DOCK11: variants seen among roughly 807,000 people sequenced by gnomAD.
The protein encoded by DOCK11 is dedicator of cytokinesis 11.
A neutral mutation model predicts 169.1 loss-of-function variants in DOCK11; 70 were observed. The ratio of observed to expected loss-of-function variants is 0.41; its 90% CI spans 0.34 to 0.51. DOCK11 has a LOEUF of 0.51. Among genes scored for constraint, DOCK11 ranks in the 20% least tolerant of loss-of-function variants. DOCK11 has a pLI of 0.10. For synonymous variants in DOCK11, 529 were observed against 541.3 expected, an observed-to-expected ratio of 0.98 and a Z score of 0.32; for missense variants, 1,166 against 1,538.8, an observed-to-expected ratio of 0.76 and a Z score of 4.05.
chrX:118,573,954 AG>A lies in DOCK11; in HGVS notation c.1328del (p.Gly443AlafsTer26), dbSNP rs754622090. The A allele has an allele frequency of 1.7e-6, 2 of 1,211,989 alleles. No homozygotes were observed. The highest frequency in any genetic ancestry group is 2.2e-6 in the Non-Finnish European group (2 of 895,552). On this transcript the variant is annotated frameshift_variant, in exon 12 of 53. Transcript: ENST00000276202. LOFTEE classifies it high-confidence loss of function. ...STQLASDGSP[K>X]GSSPESYIHG... ...CAACTGGCCAGTGACGGTAGCCCAA[AG>A]GGCTCTTCACCCGAATCTTACATTC... is the stretch of plus-strand genomic sequence containing the variant.
intron 10 of DOCK11, among the ~76,000 whole-genome samples, chrX:118,569,002 A>G (rs2013177235): frequency 9.2e-6 from 1 of 108,850 alleles, no homozygotes; most frequent in African/African-American, 3.3e-5. Context: ...CCACGAAAAT[A>G]TGAAATAATT....
intron 23 of DOCK11, among the ~76,000 whole-genome samples, chrX:118,599,575 A>G (rs760181101): frequency 8.9e-6 from 1 of 112,226 alleles, no homozygotes; most frequent in African/African-American, 3.2e-5. Context: ...GGCCAGGAGG[A>G]ATGGAATCAC....
intron 23 of DOCK11, among the ~76,000 whole-genome samples, chrX:118,601,336 A>G (rs369029807): frequency 9.3e-6 from 1 of 107,649 alleles, no homozygotes; most frequent in Non-Finnish European, 1.9e-5. Flanking sequence ...AGGTGGGAGG[A>G]TCGTTTGAGC....
chrX:118,684,259 TC>T lies in DOCK11; in HGVS notation c.6102+1043del, dbSNP rs1450139817. On this transcript the variant is annotated intron_variant, in intron 52 of 52. Transcript: ENST00000276202. ...TCAAAAACTTCTTCAAGCTTTTTTT[TC>T]TTTTTTTTTTCTTTTTTTTTTTTTT... is the stretch of plus-strand genomic sequence containing the variant. Among the ~76,000 whole-genome samples the T allele has an allele frequency of 6.6e-3, 710 of 107,979 alleles. 6 individuals are homozygous for T. Among genetic ancestry groups the T allele is most frequent in the African/African-American group, 0.023 (682 of 29,352 alleles). 93.8% of individuals were successfully genotyped at this position (107,979 alleles called of 115,157 possible).
At chrX:118,496,893 G>A (rs2057542287) in intron 1 of DOCK11, among the ~76,000 whole-genome samples, 1 of 111,236 alleles carries the variant, frequency 9.0e-6, no homozygotes, top group Non-Finnish European at 1.9e-5. Context: ...CAGGACTGGG[G>A]GATGGGGATT....
chrX:118,681,784 G>A lies in DOCK11; in HGVS notation c.5953G>A (p.Asp1985Asn). 1 of 1,195,504 alleles carries A rather than the reference G, an allele frequency of 8.4e-7. No homozygotes were observed. The highest frequency in any genetic ancestry group is 1.1e-6 in the Non-Finnish European group (1 of 886,505). Residue 1985 changes from aspartate (D) to asparagine (N), a missense_variant, in exon 51 of 53, where the codon GAC (aspartate) becomes AAC (asparagine). Asp to Asn is a conservative substitution (Grantham distance 23, BLOSUM62 1). Coordinates refer to ENST00000276202, the MANE Select transcript of DOCK11 (RefSeq NM_144658.4). ...ACCTAAGAAAGTGAGTGAGTTGAAA[G>A]ACATGTTTAGGTAAGTGTTTTATAG... ...YPPKKVSELKDMFRKFIQACS... is the reference protein window; with the variant it reads ...YPPKKVSELKNMFRKFIQACS...
chrX:118,506,122 G>T (rs181831969), intron 1 of DOCK11, among the ~76,000 whole-genome samples: 1 of 110,872 alleles, frequency 9.0e-6, no homozygotes, highest in African/African-American at 3.3e-5. Flanking sequence ...CAGGCGTGGT[G>T]GCACATGCGT....
chrX:118,611,644 A>G (rs2014684305), intron 28 of DOCK11, among the ~76,000 whole-genome samples: 1 of 112,733 alleles, frequency 8.9e-6, no homozygotes, highest in African/African-American at 3.2e-5. Context: ...ACCAGAAGAA[A>G]ACTATATTTA....
In DOCK11 at chrX:118,630,496, T is replaced by C; in HGVS notation, c.3886+6T>C. 8.9e-7 allele frequency: 1 copy of C among 1,124,217 alleles called. No homozygotes were observed. The highest frequency in any genetic ancestry group is 1.2e-6 in the Non-Finnish European group (1 of 817,308). The allele number at this position is 1,124,217 out of a possible 1,213,427, so 92.6% of individuals were successfully genotyped here. A position where few individuals can be genotyped will look rare whatever the true frequency, so the allele number is the denominator to read the frequency against. ...AGTAAAAATGATTTCAGAAGGTGAG[T>C]TACCATCATATTAAGCATGGACTGT... On this transcript the variant is annotated splice_donor_region_variant and intron_variant, in intron 35 of 52. Coordinates refer to ENST00000276202, the MANE Select transcript of DOCK11 (RefSeq NM_144658.4).
At chrX:118,575,067 AT>A (rs2013402989) in intron 12 of DOCK11, among the ~76,000 whole-genome samples, 1 of 112,069 alleles carries the variant, frequency 8.9e-6, no homozygotes, top group Admixed American at 9.5e-5. Context: ...TAAAAATACT[AT>A]TCTTTTTTTC....
chrX:118,664,801 A>G (rs1278518411), intron 45 of DOCK11, among the ~76,000 whole-genome samples: 5 of 111,619 alleles, frequency 4.5e-5, no homozygotes, highest in Non-Finnish European at 5.6e-5. Context: ...GGACTGAACC[A>G]TGGGGGAAAA....
chrX:118,561,279 AG>A, intron 6 of DOCK11, 103 bp from the exon 7 acceptor site: 1 of 780,197 alleles, frequency 1.3e-6, no homozygotes, highest in Non-Finnish European at 1.8e-6. Flanking sequence ...AAGATTGTCC[AG>A]GCACAATTGC....
At chrX:118,684,271 CTTTTTTT>C (rs1197326228) in intron 52 of DOCK11, among the ~76,000 whole-genome samples, 3 of 78,631 alleles carry the variant, frequency 3.8e-5, no homozygotes, top group Non-Finnish European at 7.5e-5. Context: ...TTTTTTTTTT[CTTTTTTT>C]TTTTTTTTTT....
intron 46 of DOCK11, among the ~76,000 whole-genome samples, chrX:118,672,598 A>C (rs771452797): frequency 4.2e-4 from 47 of 111,690 alleles, no homozygotes; most frequent in Middle Eastern, 9.5e-3. Context: ...GCGCCCGACT[A>C]ATATTTTTTT....
intron 1 of DOCK11, among the ~76,000 whole-genome samples, chrX:118,531,806 G>A (rs1010577651): frequency 5.1e-5 from 5 of 97,679 alleles, no homozygotes; most frequent in Non-Finnish European, 8.2e-5. Context: ...TGATCCGCCC[G>A]CATCAGCCTC....
Position 118,625,166 on chromosome X carries a change from T to C in DOCK11, c.3588+511T>C, listed in dbSNP as rs1490294525. ...GGGAATTTGTTAAAACAGGTTTTTT[T>C]TTTTTTGAGACAGAGTCTCGCTCTG... On this transcript the variant is annotated intron_variant, in intron 32 of 52. Transcript: ENST00000276202. 2.7e-5 allele frequency among the ~76,000 whole-genome samples: 3 copies of C among 109,384 alleles called. No homozygotes were observed. In the Admixed American group the frequency reaches 2.9e-4, roughly 11 times the overall value. The allele number at this position is 109,384 out of a possible 115,157, so 95.0% of individuals were successfully genotyped here. A position where few individuals can be genotyped will look rare whatever the true frequency, so the allele number is the denominator to read the frequency against.
chrX:118,583,040 CAAT>C (rs1199316844), intron 14 of DOCK11, among the ~76,000 whole-genome samples: 1 of 112,107 alleles, frequency 8.9e-6, no homozygotes, highest in African/African-American at 3.2e-5. Context: ...AAATGTCCAA[CAAT>C]GATGACTGGA....
chrX:118,672,682 G>T (rs764623018), intron 46 of DOCK11, among the ~76,000 whole-genome samples: 5 of 112,937 alleles, frequency 4.4e-5, no homozygotes, highest in Non-Finnish European at 9.4e-5. Context: ...TGATGCGCCC[G>T]CCTTGGCCTC....
chrX:118,667,787 A>G (rs1411561119), intron 45 of DOCK11, among the ~76,000 whole-genome samples: 1 of 111,748 alleles, frequency 8.9e-6, no homozygotes, highest in East Asian at 2.8e-4. Flanking sequence ...ATCAATGGAC[A>G]TTTATCTGGG....
Sources: gnomAD v4.1 joint callset for allele counts (sites outside exome capture counted in the v4.1 genomes callset) on GRCh38, gnomAD v4.1.1 for gene constraint, MANE v1.5 for transcripts, NCBI Gene and HGNC (gene_info 2026-07-23, HGNC 2026-07-21) for gene names.